Variants in PLEK2 observed in about 807,000 individuals in gnomAD.
PLEK2 encodes the protein pleckstrin-2.
A neutral mutation model predicts 43.8 loss-of-function variants in PLEK2; 29 were observed. That is an observed-to-expected ratio of 0.66 (90% confidence interval 0.49 to 0.90). The LOEUF (loss-of-function observed/expected upper bound fraction) is 0.90. Among genes scored for constraint, PLEK2 ranks in the 40% least tolerant of loss-of-function variants. PLEK2 has a pLI of 0.00. For missense variants in PLEK2, 398 were observed against 448.1 expected (o/e 0.89, Z 1.01); for synonymous variants, 162 against 173.2 (o/e 0.94, Z 0.51).
chr14:67,410,868 C>T (rs1422597868), intron 1 of PLEK2, among the ~76,000 whole-genome samples: 1 of 152,098 alleles, frequency 6.6e-6, no homozygotes, highest in African/African-American at 2.4e-5. Flanking sequence ...AAATTACGCT[C>T]TGTGTGGTGG....
Position 67,395,509 on chromosome 14 carries a change from G to A in PLEK2, c.282C>T (p.Ala94=), listed in dbSNP as rs2086001032. 5.0e-6 allele frequency: 8 copies of A among 1,614,116 alleles called. No individual in the cohort carries two copies. The highest frequency in any genetic ancestry group is 3.3e-4 in the Middle Eastern group (2 of 6,060). The change falls in exon 3 of 9, where the codon GCC becomes GCT. Residue 94 remains alanine, a synonymous_variant. Coordinates refer to ENST00000216446, the MANE Select transcript of PLEK2 (RefSeq NM_016445.3). ...TAGCCCCGGTGATCTCAAAGGCCCA[G>A]GCATCCCGCTCCTCTCGAGAACAGG... The part of the protein sequence containing the change: ...LEACSREERD[A]WAFEITGAIH...
At chr14:67,411,136 C>CAAAA in intron 1 of PLEK2, among the ~76,000 whole-genome samples, 1 of 52,054 alleles carries the variant, frequency 1.9e-5, no homozygotes, top group African/African-American at 7.1e-5. Flanking sequence ...GACCCTGTCT[C>CAAAA]AAAAAAAAAA....
intron 2 of PLEK2, among the ~76,000 whole-genome samples, chr14:67,395,889 C>A (rs1349451199): frequency 6.6e-6 from 1 of 152,134 alleles, no homozygotes; most frequent in East Asian, 1.9e-4. Flanking sequence ...CCTATGACAG[C>A]CCCTACACTG....
intron 1 of PLEK2, 42 bp from the exon 2 acceptor site, chr14:67,397,868 G>C (rs372139124): frequency 1.3e-6 from 2 of 1,545,230 alleles, no homozygotes; most frequent in Non-Finnish European, 1.8e-6. Context: ...GCGGTCAGTG[G>C]GAGGGTATGG....
chr14:67,395,438 C>T lies in PLEK2; in HGVS notation c.353G>A (p.Arg118Lys), dbSNP rs1449231025. Residue 118 changes from arginine to lysine, a missense_variant, in exon 3 of 9, where the codon AGA becomes AAA. Physicochemically the swap from Arg to Lys is conservative, Grantham distance 26 (BLOSUM62 2). Transcript: ENST00000216446. ...PGKVQQLHSLRNSFKLPPHIS... is the reference protein window; with the variant it reads ...PGKVQQLHSLKNSFKLPPHIS... The stretch of plus-strand genomic sequence containing the variant: ...GTGCGGGGGCAGCTTGAAGGAGTTT[C>T]TCAGGCTGTGCAGCTGCTGGACCTT... 6.2e-7 allele frequency: 1 copy of T among 1,613,894 alleles called. No homozygotes were observed. Among genetic ancestry groups the T allele is most frequent in the Non-Finnish European group, 8.5e-7 (1 of 1,179,898 alleles).
chr14:67,405,986 G>A (rs993429917), intron 1 of PLEK2, among the ~76,000 whole-genome samples: 7 of 152,162 alleles, frequency 4.6e-5, no homozygotes, highest in Non-Finnish European at 1.0e-4. Context: ...GGCCAGGCAC[G>A]GTGGCTCACA....
At position 67,387,309 on chromosome 14, in the gene PLEK2, C is replaced by A; in HGVS notation, c.*20G>T. 6.3e-7 allele frequency: 1 copy of A among 1,598,600 alleles called. No individual in the cohort carries two copies. Among genetic ancestry groups the A allele is most frequent in the Non-Finnish European group, 8.5e-7 (1 of 1,175,030 alleles). ...TGTCATCTGGTAGGAGGGAGGAATC[C>A]TGGTTCCCTCAGGTCCTTGTCATGT... On this transcript the variant is annotated 3_prime_UTR_variant, in exon 9 of 9. Coordinates refer to ENST00000216446, the MANE Select transcript of PLEK2 (RefSeq NM_016445.3).
At chr14:67,408,359 A>AAAATAAAATAAAATAAAAT (rs1566632508) in intron 1 of PLEK2, among the ~76,000 whole-genome samples, 53 of 134,054 alleles carry the variant, frequency 4.0e-4, no homozygotes, top group African/African-American at 1.5e-3. Flanking sequence ...TAAAATAAAA[A>AAAATAAAATAAAATAAAAT]AAGAAAAAAC....
intron 1 of PLEK2, among the ~76,000 whole-genome samples, chr14:67,411,232 A>G (rs557057645): frequency 6.6e-6 from 1 of 151,998 alleles, no homozygotes; most frequent in East Asian, 1.9e-4. Flanking sequence ...TTCTACCATA[A>G]TCCCAGGCAC....
At chr14:67,411,023 TG>T in intron 1 of PLEK2, among the ~76,000 whole-genome samples, 1 of 151,414 alleles carries the variant, frequency 6.6e-6, no homozygotes, top group South Asian at 2.1e-4. Flanking sequence ...AGTGGATACC[TG>T]TAGTCCCAGC....
At position 67,392,598 on chromosome 14, in the gene PLEK2, C is replaced by T; in HGVS notation, c.669+64G>A. On this transcript the variant is annotated intron_variant, in intron 5 of 8. Coordinates refer to ENST00000216446, the MANE Select transcript of PLEK2 (RefSeq NM_016445.3). The stretch of plus-strand genomic sequence containing the variant: ...TCCCATGACTGTGGCCCCCAGGCCC[C>T]CATTCTGTTGTGTCTTCCTTAACTT... The T allele has an allele frequency of 2.1e-6, 3 of 1,457,420 alleles. No individual in the cohort carries two copies. The South Asian group carries it at 3.6e-5, about 17-fold the overall frequency. The allele number at this position is 1,457,420 out of a possible 1,614,324, so 90.3% of individuals were successfully genotyped here.
chr14:67,405,041 G>A (rs1348983080), intron 1 of PLEK2, among the ~76,000 whole-genome samples: 2 of 151,304 alleles, frequency 1.3e-5, no homozygotes, highest in East Asian at 2.0e-4. Flanking sequence ...CAAGACCACC[G>A]TGGCCAACAT....
chr14:67,408,354 T>TAAAATA lies in PLEK2; in HGVS notation c.42+3663_42+3664insTATTTT, dbSNP rs550821518. Among the ~76,000 whole-genome samples the TAAAATA allele has an allele frequency of 5.0e-3, 677 of 134,706 alleles. 17 individuals are homozygous for TAAAATA. In the East Asian group the frequency reaches 0.056, roughly 11 times the overall value. 88.4% of individuals were successfully genotyped at this position (134,706 alleles called of 152,430 possible). On this transcript the variant is annotated intron_variant, in intron 1 of 8. Transcript: ENST00000216446. Reference sequence around the variant, plus strand: ...TAAAATAAAATAAAATAAAATAAAATAAAAAAAGAAAAAACAAAGATGGGA... The same window carrying TAAAATA: ...TAAAATAAAATAAAATAAAATAAAATAAAATAAAAAAAAGAAAAAACAAAGATGGGA...
At chr14:67,395,136 A>G (rs571818315) in intron 3 of PLEK2, among the ~76,000 whole-genome samples, 1 of 152,306 alleles carries the variant, frequency 6.6e-6, no homozygotes, top group East Asian at 1.9e-4. Context: ...CCTGGCTGAA[A>G]TGGAATGGGG....
At chr14:67,399,111 G>T (rs934433864) in intron 1 of PLEK2, among the ~76,000 whole-genome samples, 9 of 152,192 alleles carry the variant, frequency 5.9e-5, no homozygotes, top group Non-Finnish European at 8.8e-5. Flanking sequence ...GGCAATATGA[G>T]GCCACTTACA....
At chr14:67,394,697 A>T (rs1190748271) in intron 3 of PLEK2, among the ~76,000 whole-genome samples, 1 of 152,180 alleles carries the variant, frequency 6.6e-6, no homozygotes, top group Non-Finnish European at 1.5e-5. Context: ...TGTGGTTTGA[A>T]TGTTTATCCC....
At chr14:67,409,964 G>C (rs2086106355) in intron 1 of PLEK2, among the ~76,000 whole-genome samples, 2 of 152,142 alleles carry the variant, frequency 1.3e-5, no homozygotes, top group African/African-American at 4.8e-5. Flanking sequence ...CTGCAGGGAG[G>C]GGTGTGACTT....
chr14:67,407,257 G>A (rs549962894), intron 1 of PLEK2, among the ~76,000 whole-genome samples: 3 of 152,030 alleles, frequency 2.0e-5, no homozygotes, highest in African/African-American at 7.2e-5. Flanking sequence ...GAGTAGCTGG[G>A]ATTAGAGGCA....
At position 67,391,943 on chromosome 14, in the gene PLEK2, A is replaced by G. The variant is rs77795910; in HGVS notation, c.771+383T>C. On this transcript the variant is annotated intron_variant, in intron 6 of 8. Coordinates refer to ENST00000216446, the MANE Select transcript of PLEK2 (RefSeq NM_016445.3). ...GGAGGCGTGCAGAATCTCACAAGGG[A>G]AGGCAGAGACCCCAGGACGCCCCAA... is the stretch of plus-strand genomic sequence containing the variant. 6.6e-4 allele frequency among the ~76,000 whole-genome samples: 101 copies of G among 152,294 alleles called. 1 individual carries two copies. In the East Asian group the frequency reaches 0.018, roughly 28 times the overall value.
Sources: allele counts gnomAD v4.1 joint callset (sites outside exome capture counted in the v4.1 genomes callset), GRCh38; gene constraint gnomAD v4.1.1; transcripts MANE v1.5; gene names NCBI Gene and HGNC (gene_info 2026-07-23, HGNC 2026-07-21).